Variants in LRRTM4 observed in about 807,000 individuals in gnomAD.
LRRTM4 encodes leucine-rich repeat transmembrane neuronal protein 4.
A neutral mutation model predicts 47.6 loss-of-function variants in LRRTM4; 25 were observed. The ratio of observed to expected loss-of-function variants is 0.53; its 90% CI spans 0.38 to 0.73. The LOEUF is 0.73. Among genes scored for constraint, LRRTM4 ranks in the 30% least tolerant of loss-of-function variants. The pLI is 0.00. For synonymous variants in LRRTM4, 311 were observed against 269.5 expected (o/e 1.15, Z -1.51); for missense variants, 638 against 713.4 (o/e 0.89, Z 1.20).
chr2:76,820,177 T>C (rs1671013107), intron 3 of LRRTM4, among the ~76,000 whole-genome samples: 1 of 151,960 alleles, frequency 6.6e-6, no homozygotes, highest in African/African-American at 2.4e-5. Context: ...TTAAATGTAA[T>C]TGATGGTTTC....
At chr2:76,963,032 A>G (rs1325156377) in intron 3 of LRRTM4, among the ~76,000 whole-genome samples, 5 of 150,986 alleles carry the variant, frequency 3.3e-5, no homozygotes, top group Admixed American at 2.0e-4. Flanking sequence ...TTCAAAGTGT[A>G]TATTAAGATA....
chr2:77,374,274 G>T (rs956091526), intron 3 of LRRTM4, among the ~76,000 whole-genome samples: 3 of 151,720 alleles, frequency 2.0e-5, no homozygotes, highest in African/African-American at 7.3e-5. Context: ...AGAGTAAATG[G>T]AAATAAATAT....
intron 3 of LRRTM4, among the ~76,000 whole-genome samples, chr2:76,851,242 T>C (rs1381973319): frequency 6.6e-6 from 1 of 152,178 alleles, no homozygotes; most frequent in Admixed American, 6.6e-5. Flanking sequence ...TTTTGTCAGA[T>C]GCTCTGGTTT....
intron 3 of LRRTM4, among the ~76,000 whole-genome samples, chr2:77,187,750 T>G (rs1673551368): frequency 6.6e-6 from 1 of 152,102 alleles, no homozygotes. Context: ...GATTTTAGCC[T>G]AATCACTGAA....
intron 3 of LRRTM4, among the ~76,000 whole-genome samples, chr2:77,071,776 C>T (rs1026832323): frequency 7.9e-5 from 12 of 152,176 alleles, no homozygotes; most frequent in Admixed American, 2.6e-4. Flanking sequence ...TTACAAGTAG[C>T]AAAATTCAAG....
chr2:77,002,627 G>A (rs1677475696), intron 3 of LRRTM4, among the ~76,000 whole-genome samples: 1 of 152,012 alleles, frequency 6.6e-6, no homozygotes, highest in African/African-American at 2.4e-5. Flanking sequence ...CCACTCTTCT[G>A]CTTAAACTCC....
chr2:76,928,673 T>C (rs147972194), intron 3 of LRRTM4, among the ~76,000 whole-genome samples: 5 of 152,158 alleles, frequency 3.3e-5, no homozygotes, highest in Non-Finnish European at 5.9e-5. Context: ...AATAGGAAAA[T>C]AAAACTGTAA....
chr2:77,090,259 T>C (rs1045034097), intron 3 of LRRTM4, among the ~76,000 whole-genome samples: 3 of 152,152 alleles, frequency 2.0e-5, no homozygotes, highest in African/African-American at 7.2e-5. Flanking sequence ...ATGCTCCTTT[T>C]TCTTTATCCC....
chr2:76,990,423 A>G (rs1676962487), intron 3 of LRRTM4, among the ~76,000 whole-genome samples: 2 of 151,752 alleles, frequency 1.3e-5, no homozygotes, highest in Non-Finnish European at 2.9e-5. Context: ...CTCCTATGTA[A>G]TAACACACCT....
chr2:77,180,435 T>C (rs1673316322), intron 3 of LRRTM4, among the ~76,000 whole-genome samples: 1 of 152,178 alleles, frequency 6.6e-6, no homozygotes, highest in Non-Finnish European at 1.5e-5. Flanking sequence ...ATGACCTGTG[T>C]TTAAATACTG....
intron 3 of LRRTM4, among the ~76,000 whole-genome samples, chr2:77,094,142 A>G (rs1049644233): frequency 6.6e-6 from 1 of 152,174 alleles, no homozygotes; most frequent in African/African-American, 2.4e-5. Context: ...CATTTTATAC[A>G]CCACCAACAA....
intron 3 of LRRTM4, among the ~76,000 whole-genome samples, chr2:76,893,955 A>T (rs930708650): frequency 2.6e-5 from 4 of 152,052 alleles, no homozygotes; most frequent in South Asian, 2.1e-4. Context: ...ACATAAGCAG[A>T]TATATCACAT....
At chr2:76,870,861 G>A (rs1406364398) in intron 3 of LRRTM4, among the ~76,000 whole-genome samples, 2 of 152,110 alleles carry the variant, frequency 1.3e-5, no homozygotes, top group Non-Finnish European at 2.9e-5. Context: ...CAGTTAAATG[G>A]TGAGATATTA....
rs1466457104 is a variant in LRRTM4 at position 77,203,649 on chromosome 2, TTAATGA to T, written c.1551+314663_1551+314668del. ...TAGCAAATACAACTATTAGTTTACC[TTAATGA>T]TAAAGCCTTTAAGCTCTGGAGAGTG... is the stretch of plus-strand genomic sequence containing the variant. On this transcript the variant is annotated intron_variant, in intron 3 of 3. Coordinates refer to ENST00000409884, the MANE Select transcript of LRRTM4 (RefSeq NM_001134745.3). Among the ~76,000 whole-genome samples the T allele has an allele frequency of 1.1e-3, 160 of 152,304 alleles. 1 individual carries two copies. Among genetic ancestry groups the T allele is most frequent in the Non-Finnish European group, 1.9e-4 (13 of 68,014 alleles).
At chr2:76,950,586 A>G (rs887111351) in intron 3 of LRRTM4, among the ~76,000 whole-genome samples, 3 of 151,986 alleles carry the variant, frequency 2.0e-5, no homozygotes, top group African/African-American at 7.2e-5. Context: ...TCTGCTTAAT[A>G]TGGATTTTTT....
At chr2:77,373,650 C>A (rs1056510288) in intron 3 of LRRTM4, among the ~76,000 whole-genome samples, 1 of 151,734 alleles carries the variant, frequency 6.6e-6, no homozygotes, top group African/African-American at 2.4e-5. Context: ...ACAAAGGCAC[C>A]ATATGCTATC....
intron 3 of LRRTM4, among the ~76,000 whole-genome samples, chr2:77,105,619 C>T (rs950246322): frequency 1.0e-3 from 159 of 152,114 alleles, no homozygotes; most frequent in African/African-American, 3.6e-3. Context: ...CGTAACTAAC[C>T]TGCACGTTGT....
At chr2:77,327,289 G>A (rs1362630660) in intron 3 of LRRTM4, among the ~76,000 whole-genome samples, 1 of 152,116 alleles carries the variant, frequency 6.6e-6, no homozygotes, top group Admixed American at 6.6e-5. Flanking sequence ...AAAGAAAATG[G>A]AGTAACCCAA....
intron 3 of LRRTM4, among the ~76,000 whole-genome samples, chr2:77,450,116 A>G (rs1039184999): frequency 3.3e-5 from 5 of 152,148 alleles, no homozygotes; most frequent in African/African-American, 4.8e-5. Flanking sequence ...TGAAAATTTT[A>G]CTCATTGAAG....
Sources: gnomAD v4.1 joint callset for allele counts (sites outside exome capture counted in the v4.1 genomes callset) on GRCh38, gnomAD v4.1.1 for gene constraint, MANE v1.5 for transcripts, NCBI Gene and HGNC (gene_info 2026-07-23, HGNC 2026-07-21) for gene names.